CLASP2: variants seen among roughly 807,000 people sequenced by gnomAD.
CLASP2 encodes cytoplasmic linker associated protein 2.
In CLASP2, 47 loss-of-function variants were observed where a neutral mutation model predicts 194.4. That is an observed-to-expected ratio of 0.24 (90% CI 0.19 to 0.31). The LOEUF is 0.31. CLASP2 is among the 10% of genes least tolerant of loss of function. The probability of loss-of-function intolerance (pLI) is 1.00; values close to 1 mark genes in which losing one functional copy is unlikely to be tolerated. For missense variants in CLASP2, 1,445 were observed against 1,823.6 expected (o/e 0.79, Z 3.78); for synonymous variants, 619 against 633.5 (o/e 0.98, Z 0.34).
chr3:33,548,098 G>A (rs182516429), intron 30 of CLASP2, among the ~76,000 whole-genome samples: 174 of 151,806 alleles, frequency 1.1e-3, no homozygotes, highest in African/African-American at 4.0e-3. Context: ...TTGAATACTA[G>A]ATCAATTTCC....
chr3:33,520,869 T>C (rs550034909), intron 34 of CLASP2, among the ~76,000 whole-genome samples: 2 of 149,172 alleles, frequency 1.3e-5, no homozygotes, highest in African/African-American at 4.9e-5. Context: ...ACACACTCCC[T>C]AGCTCTGCCC....
chr3:33,546,442 G>C (rs2059163599), intron 30 of CLASP2, among the ~76,000 whole-genome samples: 1 of 151,826 alleles, frequency 6.6e-6, no homozygotes, highest in Non-Finnish European at 1.5e-5. Context: ...TGTCATATTT[G>C]TTTTACTAGA....
At position 33,622,134 on chromosome 3, in the gene CLASP2, C is replaced by T. The variant is rs768027167; in HGVS notation, c.1181+1G>A. On this transcript the variant is annotated splice_donor_variant, in intron 11 of 38. Transcript: ENST00000682230. LOFTEE classifies it high-confidence loss of function. ...ACTTATCATAAAAGGAATATACTTA[C>T]GCTACAGTAATACAAGCTTCTCTAA... 2 of 1,574,484 alleles carry T rather than the reference C, an allele frequency of 1.3e-6. No homozygotes were observed. Among genetic ancestry groups the T allele is most frequent in the Non-Finnish European group, 1.7e-6 (2 of 1,163,860 alleles).
chr3:33,629,717 T>C (rs189951340), intron 9 of CLASP2, among the ~76,000 whole-genome samples: 1 of 145,840 alleles, frequency 6.9e-6, no homozygotes, highest in East Asian at 2.0e-4. Flanking sequence ...ACAGAGAAAA[T>C]AAAAAGTTGG....
At chr3:33,513,542 C>A (rs1264435860) in intron 36 of CLASP2, among the ~76,000 whole-genome samples, 2 of 152,028 alleles carry the variant, frequency 1.3e-5, no homozygotes, top group South Asian at 2.1e-4. Context: ...AACAAAAAAA[C>A]CCCAAAACCC....
At chr3:33,664,132 G>T (rs1294706332) in intron 6 of CLASP2, among the ~76,000 whole-genome samples, 3 of 151,994 alleles carry the variant, frequency 2.0e-5, no homozygotes, top group Non-Finnish European at 4.4e-5. Flanking sequence ...CATTATAAAA[G>T]AAAATTAGGA....
intron 6 of CLASP2, among the ~76,000 whole-genome samples, chr3:33,681,637 A>G (rs1474337548): frequency 6.6e-6 from 1 of 152,244 alleles, no homozygotes; most frequent in Admixed American, 6.5e-5. Flanking sequence ...CACAAGGATA[A>G]AAGAGTGTTG....
At chr3:33,574,531 AAAT>A in intron 24 of CLASP2, 55 of 1,364,622 alleles carry the variant, frequency 4.0e-5, no homozygotes, top group Non-Finnish European at 5.4e-5. Context: ...GAAAAATTGA[AAAT>A]AATGAAGAAC....
chr3:33,690,938 G>C (rs1322550409), intron 2 of CLASP2, among the ~76,000 whole-genome samples: 1 of 152,128 alleles, frequency 6.6e-6, no homozygotes, highest in African/African-American at 2.4e-5. Flanking sequence ...GCAGGGGGTG[G>C]GGAGGATGGT....
chr3:33,622,318 G>C, intron 10 of CLASP2, 38 bp from the exon 11 acceptor site: 1 of 1,404,212 alleles, frequency 7.1e-7, no homozygotes, highest in African/African-American at 1.5e-5. Flanking sequence ...AAAAAAGGTG[G>C]AAGTGCAAAA....
intron 1 of CLASP2, among the ~76,000 whole-genome samples, chr3:33,708,298 TA>T (rs2092793740): frequency 6.6e-6 from 1 of 150,788 alleles, no homozygotes; most frequent in African/African-American, 2.4e-5. Context: ...TTTTTTTTTT[TA>T]AATATTTGAC....
intron 25 of CLASP2, 79 bp downstream of exon 25, chr3:33,573,031 T>C: frequency 6.6e-7 from 1 of 1,519,314 alleles, no homozygotes; most frequent in Non-Finnish European, 9.0e-7. Context: ...CACCAGTATC[T>C]CTAAAGTGTT....
At chr3:33,645,801 CTTTA>C (rs778959178) in intron 7 of CLASP2, among the ~76,000 whole-genome samples, 3 of 152,118 alleles carry the variant, frequency 2.0e-5, no homozygotes, top group Non-Finnish European at 4.4e-5. Context: ...AAAATCTGCT[CTTTA>C]TTTAAGCCAT....
chr3:33,607,340 TAAAAAAGA>T, intron 15 of CLASP2, 36 bp downstream of exon 15: 2 of 1,330,144 alleles, frequency 1.5e-6, no homozygotes, highest in Admixed American at 2.6e-5. Context: ...CATTTTTTTT[TAAAAAAGA>T]TTAAACTGTC....
chr3:33,505,982 C>G (rs2048061727), intron 37 of CLASP2, among the ~76,000 whole-genome samples: 1 of 152,128 alleles, frequency 6.6e-6, no homozygotes, highest in Non-Finnish European at 1.5e-5. Context: ...ATACTATGTC[C>G]TGGAAGTATT....
intron 21 of CLASP2, among the ~76,000 whole-genome samples, chr3:33,589,589 C>A (rs2068231659): frequency 6.6e-6 from 1 of 152,022 alleles, no homozygotes; most frequent in African/African-American, 2.4e-5. Flanking sequence ...AAAAGTCCCT[C>A]CAATATAAAA....
At chr3:33,656,812 ATAG>A (rs2084315549) in intron 7 of CLASP2, among the ~76,000 whole-genome samples, 1 of 146,918 alleles carries the variant, frequency 6.8e-6, no homozygotes, top group Admixed American at 6.9e-5. Flanking sequence ...AAATAACACG[ATAG>A]TATTTTTTTA....
rs964314164 is a variant in CLASP2, at chr3:33,632,354, C to T, written c.880G>A (p.Gly294Ser). The change falls in exon 9 of 39, where the codon GGT (glycine) becomes AGT (serine). Residue 294 changes from glycine (G) to serine (S), a missense_variant. By Grantham distance (56) the Gly-to-Ser change is moderately conservative. Coordinates refer to ENST00000682230, the MANE Select transcript of CLASP2 (RefSeq NM_001365631.1). ...TCATCTTCATCAACTGCTCCAGCAC[C>T]TCCTTCCTTAGAAGCACCTGCTAAT... ...PKVGGASKEG[G>S]AGAVDEDDFI... is the part of the protein sequence containing the mutation. The T allele has an allele frequency of 1.9e-6, 3 of 1,601,522 alleles. No individual in the cohort carries two copies. The highest frequency in any genetic ancestry group is 2.6e-6 in the Non-Finnish European group (3 of 1,174,460).
chr3:33,529,984 CA>C (rs1169927619), intron 34 of CLASP2, among the ~76,000 whole-genome samples: 1,059 of 32,134 alleles, frequency 0.033, 1 homozygote, highest in African/African-American at 0.079. Flanking sequence ...GACTCCGTCT[CA>C]AAAAAAAAAA....
Sources: allele counts gnomAD v4.1 joint callset (sites outside exome capture counted in the v4.1 genomes callset), GRCh38; gene constraint gnomAD v4.1.1; transcripts MANE v1.5; gene names NCBI Gene and HGNC (gene_info 2026-07-23, HGNC 2026-07-21).